UBE3C: variants seen among roughly 807,000 people sequenced by gnomAD.
UBE3C encodes ubiquitin protein ligase E3C.
In UBE3C, 42 loss-of-function variants were observed where a neutral mutation model predicts 129.4. The ratio of observed to expected loss-of-function variants is 0.32; its 90% CI spans 0.25 to 0.42. UBE3C has a LOEUF of 0.42. Ranked by LOEUF, UBE3C falls within the 10% of genes least tolerant of loss-of-function variation. The pLI, the probability that UBE3C is intolerant of heterozygous loss-of-function variation, is 1.00. For missense variants in UBE3C, 1,049 were observed against 1,319.1 expected (o/e 0.80, Z 3.17); for synonymous variants, 510 against 492.4 (o/e 1.04, Z -0.47).
rs957039204 is a variant in UBE3C at position 157,254,076 on chromosome 7, C to T, written c.2817C>T (p.Phe939=). Reference sequence around the variant, plus strand: ...AGATCCGCCAGCACTGCCTGGCTTTCCGCCAGGGCCTTGCCAATGTCGTCA... The same window carrying T: ...AGATCCGCCAGCACTGCCTGGCTTTTCGCCAGGGCCTTGCCAATGTCGTCA... ...NRQIRQHCLA[F]RQGLANVVSL... is the part of the protein sequence containing the mutation. The change falls in exon 20 of 23, where the codon TTC becomes TTT. Residue 939 remains phenylalanine, a synonymous_variant. Transcript: ENST00000348165. The T allele has an allele frequency of 1.2e-6, 2 of 1,613,392 alleles. No individual in the cohort carries two copies. The highest frequency in any genetic ancestry group is 1.3e-5 in the African/African-American group (1 of 74,912).
chr7:157,230,741 A>G (rs1796001651), intron 17 of UBE3C, among the ~76,000 whole-genome samples: 1 of 147,490 alleles, frequency 6.8e-6, no homozygotes, highest in African/African-American at 2.5e-5. Flanking sequence ...GAATTTAGGT[A>G]TCTGTATTGG....
intron 18 of UBE3C, among the ~76,000 whole-genome samples, chr7:157,241,529 G>A (rs1038529878): frequency 1.8e-4 from 27 of 152,242 alleles, no homozygotes; most frequent in African/African-American, 6.3e-4. Context: ...GCGCACACCC[G>A]CGAGTACGGC....
rs2116930156 is a variant in UBE3C at position 157,184,020 on chromosome 7, C to T, written c.1134C>T (p.Pro378=). The T allele has an allele frequency of 6.2e-7, 1 of 1,614,102 alleles. No individual in the cohort carries two copies. Among genetic ancestry groups the T allele is most frequent in the Middle Eastern group, 1.7e-4 (1 of 6,060 alleles). ...AGGAGAGTGAAGAAGCCGACAAGCCCTCAAGCCCGGTAAGCCCCGTGCCCT... is the reference window on the plus strand; with the variant it reads ...AGGAGAGTGAAGAAGCCGACAAGCCTTCAAGCCCGGTAAGCCCCGTGCCCT... ...SEEESEEADK[P]SSPEDGRLSV... Residue 378 remains proline (P), a synonymous_variant, in exon 9 of 23, where the codon CCC becomes CCT. Coordinates refer to ENST00000348165, the MANE Select transcript of UBE3C (RefSeq NM_014671.3).
rs1199384271 is a variant in UBE3C at position 157,233,086 on chromosome 7, C to T, written c.2481+1759C>T. Among the ~76,000 whole-genome samples, 3 of 150,402 alleles carry T rather than the reference C, an allele frequency of 2.0e-5. No individual in the cohort carries two copies. The East Asian group carries it at 6.0e-4, about 30-fold the overall frequency. ...CCAGCCCTGGCCAACCACTAGTCTACTTTCAGTCTGTATGGATTTTTTTTT... is the reference window on the plus strand; with the variant it reads ...CCAGCCCTGGCCAACCACTAGTCTATTTTCAGTCTGTATGGATTTTTTTTT... On this transcript the variant is annotated intron_variant, in intron 18 of 22. Transcript: ENST00000348165.
intron 16 of UBE3C, 118 bp from the exon 17 acceptor site, chr7:157,225,289 T>C: frequency 8.4e-7 from 1 of 1,183,736 alleles, no homozygotes; most frequent in Non-Finnish European, 1.2e-6. Flanking sequence ...ACCTTGACTA[T>C]TAGCATTTAT....
intron 18 of UBE3C, among the ~76,000 whole-genome samples, chr7:157,240,736 T>G (rs953900560): frequency 1.3e-5 from 2 of 152,086 alleles, no homozygotes; most frequent in Non-Finnish European, 1.5e-5. Context: ...AGGAGACCTG[T>G]GGAGTCGAGG....
intron 18 of UBE3C, among the ~76,000 whole-genome samples, chr7:157,246,874 T>C (rs1202742848): frequency 6.6e-6 from 1 of 152,102 alleles, no homozygotes; most frequent in Non-Finnish European, 1.5e-5. Context: ...TAAATACACA[T>C]CTCTCTGAAG....
intron 1 of UBE3C, among the ~76,000 whole-genome samples, chr7:157,159,345 G>A (rs1808004647): frequency 6.6e-6 from 1 of 151,570 alleles, no homozygotes; most frequent in Non-Finnish European, 1.5e-5. Flanking sequence ...AACAGAATTA[G>A]GATTAAAGGT....
At position 157,254,806 on chromosome 7, in the gene UBE3C, G is replaced by A. The variant is rs191206877; in HGVS notation, c.2950+496G>A. On this transcript the variant is annotated intron_variant, in intron 21 of 22. Coordinates refer to ENST00000348165, the MANE Select transcript of UBE3C (RefSeq NM_014671.3). ...CTGTAATCCCAGCCTTTGGGAGGCC[G>A]GGGCAGGTGGATCACTTGAGCTCAG... Among the ~76,000 whole-genome samples the A allele has an allele frequency of 3.4e-3, 519 of 152,136 alleles. 2 individuals carry two copies. Among genetic ancestry groups the A allele is most frequent in the African/African-American group, 0.011 (477 of 41,524 alleles).
intron 18 of UBE3C, among the ~76,000 whole-genome samples, chr7:157,233,332 C>G (rs867666169): frequency 2.0e-5 from 3 of 152,172 alleles, no homozygotes; most frequent in Admixed American, 2.0e-4. Flanking sequence ...TCTCTGCCAC[C>G]TAGGCTGGAG....
intron 17 of UBE3C, 148 bp from the exon 18 acceptor site, chr7:157,230,932 A>G (rs1030221719): frequency 8.2e-7 from 1 of 1,215,612 alleles, no homozygotes; most frequent in Non-Finnish European, 1.1e-6. Context: ...CTCAAAAAAT[A>G]ATGATAATAT....
At chr7:157,197,731 A>G (rs1809162387) in intron 10 of UBE3C, 10 of 1,610,964 alleles carry the variant, frequency 6.2e-6, no homozygotes, top group Non-Finnish European at 8.5e-6. Flanking sequence ...TCAGGACAAG[A>G]CTGTACAATA....
intron 18 of UBE3C, among the ~76,000 whole-genome samples, chr7:157,246,815 C>G (rs187523720): frequency 6.2e-4 from 95 of 152,278 alleles, no homozygotes; most frequent in African/African-American, 2.1e-3. Flanking sequence ...TCCACACCCC[C>G]GGGGGTAATT....
Position 157,163,867 on chromosome 7 carries a change from A to G in UBE3C, c.120+4A>G, listed in dbSNP as rs1332858557. 6.2e-7 allele frequency: 1 copy of G among 1,613,354 alleles called. No individual in the cohort carries two copies. The highest frequency in any genetic ancestry group is 1.7e-5 in the Admixed American group (1 of 60,010). The stretch of plus-strand genomic sequence containing the variant: ...GGAAGAAAGAAGAAAGAGAGAGGTA[A>G]AAACAGTTTTGTAATACTCTGTAGA... On this transcript the variant is annotated splice_donor_region_variant and intron_variant, in intron 2 of 22. Transcript: ENST00000348165.
At chr7:157,218,840 T>C (rs1011823782) in intron 14 of UBE3C, among the ~76,000 whole-genome samples, 5 of 152,148 alleles carry the variant, frequency 3.3e-5, no homozygotes, top group African/African-American at 1.2e-4. Context: ...GAAGCATTCA[T>C]GAAAACAGCT....
At chr7:157,160,679 C>G (rs369435744) in intron 1 of UBE3C, among the ~76,000 whole-genome samples, 1 of 152,222 alleles carries the variant, frequency 6.6e-6, no homozygotes, top group East Asian at 1.9e-4. Flanking sequence ...GTTAATTGAT[C>G]TATATCTTGA....
At chr7:157,253,369 A>G (rs1490633092) in intron 19 of UBE3C, among the ~76,000 whole-genome samples, 2 of 152,250 alleles carry the variant, frequency 1.3e-5, no homozygotes, top group African/African-American at 4.8e-5. Flanking sequence ...TTCTGTGAGT[A>G]TAGCCACGTA....
intron 13 of UBE3C, among the ~76,000 whole-genome samples, chr7:157,211,193 A>AGAGAGAGAGAGC (rs1023528201): frequency 6.6e-5 from 10 of 151,494 alleles, no homozygotes; most frequent in African/African-American, 1.9e-4. Context: ...AGAGAGAGAG[A>AGAGAGAGAGAGC]GCCATACTAT....
At chr7:157,201,576 C>T (rs1366424656) in intron 10 of UBE3C, 145 bp from the exon 11 acceptor site, 6 of 502,424 alleles carry the variant, frequency 1.2e-5, no homozygotes, top group Admixed American at 9.2e-5. Context: ...TTGTCTGAGG[C>T]AGCTTTTTGT....
Sources: gnomAD v4.1 joint callset for allele counts (sites outside exome capture counted in the v4.1 genomes callset) on GRCh38, gnomAD v4.1.1 for gene constraint, MANE v1.5 for transcripts, NCBI Gene and HGNC (gene_info 2026-07-23, HGNC 2026-07-21) for gene names.